Variants in PCCA observed in about 807,000 individuals in gnomAD.
PCCA encodes the protein propionyl-CoA carboxylase subunit alpha.
A neutral mutation model predicts 101.3 loss-of-function variants in PCCA; 74 were observed. The observed-to-expected ratio is 0.73, with a 90% confidence interval of 0.61 to 0.89. The LOEUF is 0.89. Ranked by LOEUF, PCCA falls within the 40% of genes least tolerant of loss-of-function variation. PCCA has a pLI of 0.00. For missense variants in PCCA, 891 were observed against 907.0 expected, an observed-to-expected ratio of 0.98 and a Z score of 0.23; for synonymous variants, 294 against 313.6, an observed-to-expected ratio of 0.94 and a Z score of 0.66.
intron 2 of PCCA, among the ~76,000 whole-genome samples, chr13:100,108,476 C>G (rs1410734843): frequency 6.6e-6 from 1 of 152,084 alleles, no homozygotes; most frequent in African/African-American, 2.4e-5. Context: ...TTTATCCTAG[C>G]TTTATTTGCT....
intron 16 of PCCA, among the ~76,000 whole-genome samples, chr13:100,315,357 T>G (rs1380316956): frequency 6.6e-6 from 1 of 152,012 alleles, no homozygotes; most frequent in East Asian, 1.9e-4. Flanking sequence ...CCACTAATAT[T>G]TAAAGAATAA....
chr13:100,143,165 T>C (rs1406305392), intron 4 of PCCA, among the ~76,000 whole-genome samples: 1 of 152,178 alleles, frequency 6.6e-6, no homozygotes, highest in African/African-American at 2.4e-5. Context: ...TCCTGGTAGC[T>C]GGACCTACTT....
intron 12 of PCCA, among the ~76,000 whole-genome samples, chr13:100,286,541 T>C (rs1188179041): frequency 2.0e-5 from 3 of 152,230 alleles, no homozygotes; most frequent in South Asian, 2.1e-4. Context: ...AGTTTAAAAG[T>C]AGAAGGCAAC....
chr13:100,235,413 T>A (rs1215905584), intron 7 of PCCA, among the ~76,000 whole-genome samples: 2 of 152,020 alleles, frequency 1.3e-5, no homozygotes, highest in Non-Finnish European at 2.9e-5. Flanking sequence ...GATCAACTAC[T>A]CCCAAACAAT....
intron 6 of PCCA, among the ~76,000 whole-genome samples, chr13:100,188,533 C>T (rs1314054948): frequency 6.6e-6 from 1 of 152,158 alleles, no homozygotes; most frequent in East Asian, 1.9e-4. Context: ...ATGCAAGTAT[C>T]TTTTTTGTAT....
At chr13:100,292,204 T>A (rs542172839) in intron 12 of PCCA, among the ~76,000 whole-genome samples, 2 of 152,220 alleles carry the variant, frequency 1.3e-5, no homozygotes, top group Non-Finnish European at 2.9e-5. Flanking sequence ...AGTGAGAAAT[T>A]CAGTGAGATT....
chr13:100,224,183 G>A (rs1408620993), intron 7 of PCCA, among the ~76,000 whole-genome samples: 2 of 152,214 alleles, frequency 1.3e-5, no homozygotes, highest in Admixed American at 6.5e-5. Context: ...TGCAGGTCCC[G>A]AGCCCTGCCC....
chr13:100,493,349 G>T (rs1468617153), intron 21 of PCCA, among the ~76,000 whole-genome samples: 1 of 152,166 alleles, frequency 6.6e-6, no homozygotes, highest in Non-Finnish European at 1.5e-5. Context: ...GGTGGATGTG[G>T]AGGTGTGCGC....
chr13:100,515,642 C>A, intron 22 of PCCA, 75 bp downstream of exon 22: 1 of 1,550,668 alleles, frequency 6.4e-7, no homozygotes, highest in Non-Finnish European at 8.8e-7. Flanking sequence ...GCTAACGGCA[C>A]AGCACGATTC....
intron 19 of PCCA, among the ~76,000 whole-genome samples, chr13:100,389,642 A>AAC (rs906901310): frequency 7.2e-5 from 11 of 152,260 alleles, no homozygotes; most frequent in African/African-American, 1.9e-4. Flanking sequence ...AGAAAAGAAA[A>AAC]ACACACACAC....
intron 19 of PCCA, among the ~76,000 whole-genome samples, chr13:100,385,450 G>A (rs1248737439): frequency 2.0e-5 from 3 of 151,708 alleles, no homozygotes; most frequent in Non-Finnish European, 4.4e-5. Flanking sequence ...CAAAAGCCCT[G>A]GTAAAAAAAT....
At chr13:100,150,515 C>A in intron 4 of PCCA, 3 of 1,356,812 alleles carry the variant, frequency 2.2e-6, no homozygotes, top group Non-Finnish European at 3.0e-6. Context: ...AGTATTGCGC[C>A]TTCTCCAAGC....
At chr13:100,262,867 T>A in intron 10 of PCCA, 36 bp downstream of exon 10, 1 of 832,268 alleles carries the variant, frequency 1.2e-6, no homozygotes, top group East Asian at 2.4e-5. Flanking sequence ...ATTATTATTT[T>A]AAAATAATAT....
Position 100,102,896 on chromosome 13 carries a change from A to G in PCCA, c.119A>G (p.Tyr40Cys), listed in dbSNP as rs762909743. 1.1e-5 allele frequency: 18 copies of G among 1,611,210 alleles called. No individual in the cohort carries two copies. The South Asian group carries it at 1.3e-4, about 12-fold the overall frequency. The change falls in exon 2 of 24, where the codon TAT becomes TGT. Residue 40 changes from tyrosine to cysteine, a missense_variant. By Grantham distance (194) the Tyr-to-Cys change is radical. Coordinates refer to ENST00000376285, the MANE Select transcript of PCCA (RefSeq NM_000282.4). Reference sequence around the variant, plus strand: ...CTTTTTTTGTAGCATGTTCTGTACTATTCAAGACAGTGCTTAATGGTGTCC... The same window carrying G: ...CTTTTTTTGTAGCATGTTCTGTACTGTTCAAGACAGTGCTTAATGGTGTCC... ...ALRTLKHVLY[Y>C]SRQCLMVSRN... is the part of the protein sequence containing the mutation.
At chr13:100,248,762 T>C (rs1168091938) in intron 8 of PCCA, among the ~76,000 whole-genome samples, 1 of 152,222 alleles carries the variant, frequency 6.6e-6, no homozygotes, top group Non-Finnish European at 1.5e-5. Context: ...TTCTTTTTTT[T>C]TGAGATGGAG....
chr13:100,339,599 G>A (rs2071004656), intron 17 of PCCA, among the ~76,000 whole-genome samples: 1 of 152,222 alleles, frequency 6.6e-6, no homozygotes, highest in African/African-American at 2.4e-5. Flanking sequence ...GTAATGGTAG[G>A]AAGATACTGT....
chr13:100,286,784 ATACTCGTATGAAAACAT>A (rs1038750367), intron 12 of PCCA, among the ~76,000 whole-genome samples: 7 of 152,012 alleles, frequency 4.6e-5, no homozygotes, highest in African/African-American at 1.7e-4. Flanking sequence ...GGATTAACAA[ATACTCGTATGAAAACAT>A]AACAGATATG....
chr13:100,285,396 T>G (rs2064527491), intron 12 of PCCA, among the ~76,000 whole-genome samples: 1 of 151,882 alleles, frequency 6.6e-6, no homozygotes, highest in Non-Finnish European at 1.5e-5. Context: ...GCTCTTGGAG[T>G]CCTTACTCAG....
intron 7 of PCCA, among the ~76,000 whole-genome samples, chr13:100,210,089 T>C (rs1312378937): frequency 6.6e-6 from 1 of 152,088 alleles, no homozygotes; most frequent in Non-Finnish European, 1.5e-5. Flanking sequence ...GAATCCCTCC[T>C]TCTTTAGCCT....
Sources: gnomAD v4.1 joint callset for allele counts (sites outside exome capture counted in the v4.1 genomes callset) on GRCh38, gnomAD v4.1.1 for gene constraint, MANE v1.5 for transcripts, NCBI Gene and HGNC (gene_info 2026-07-23, HGNC 2026-07-21) for gene names.